The following PARD3B variants were observed in gnomAD, a reference collection of about 807,000 sequenced individuals.
The protein encoded by PARD3B is par-3 family cell polarity regulator beta.
PARD3B carries 103 observed loss-of-function variants against 130.2 expected under a neutral mutation model. The observed-to-expected ratio is 0.79, with a 90% CI of 0.67 to 0.93. PARD3B has a LOEUF of 0.93. Among genes scored for constraint, PARD3B ranks in the 40% least tolerant of loss-of-function variants. The pLI, the probability that PARD3B is intolerant of heterozygous loss-of-function variation, is 0.00. For synonymous variants in PARD3B, 583 were observed against 553.2 expected (o/e 1.05, Z -0.76); for missense variants, 1,609 against 1,499.2 (o/e 1.07, Z -1.21).
At chr2:205,044,524 T>A (rs1473360751) in intron 3 of PARD3B, among the ~76,000 whole-genome samples, 15 of 149,536 alleles carry the variant, frequency 1.0e-4, no homozygotes, top group Non-Finnish European at 1.6e-4. Context: ...GGTATCTCAT[T>A]GTGGTTTTGA....
chr2:205,197,503 A>G (rs1356735030), intron 15 of PARD3B, among the ~76,000 whole-genome samples: 1 of 152,180 alleles, frequency 6.6e-6, no homozygotes. Context: ...ACTCAGTGTC[A>G]TTAATTCCTA....
At chr2:205,468,914 G>T (rs144851143) in intron 20 of PARD3B, among the ~76,000 whole-genome samples, 85 of 151,482 alleles carry the variant, frequency 5.6e-4, no homozygotes, top group Middle Eastern at 3.5e-3. Context: ...AACCTTAGCT[G>T]CATGATTCAA....
chr2:204,898,540 A>G (rs906161708), intron 2 of PARD3B, among the ~76,000 whole-genome samples: 12 of 152,190 alleles, frequency 7.9e-5, no homozygotes, highest in Admixed American at 1.3e-4. Context: ...GTGGCCTAAC[A>G]TATGATCTAT....
chr2:204,894,237 G>T (rs977858272), intron 2 of PARD3B, among the ~76,000 whole-genome samples: 1 of 151,970 alleles, frequency 6.6e-6, no homozygotes, highest in Non-Finnish European at 1.5e-5. Flanking sequence ...AAGAATGTGT[G>T]TATTCTACTT....
At chr2:205,586,481 A>C (rs2054201174) in intron 22 of PARD3B, among the ~76,000 whole-genome samples, 2 of 152,212 alleles carry the variant, frequency 1.3e-5, no homozygotes, top group South Asian at 4.1e-4. Context: ...AATATTCTTC[A>C]TCTCAGATAT....
At chr2:205,552,716 A>G (rs1338232118) in intron 21 of PARD3B, among the ~76,000 whole-genome samples, 1 of 152,130 alleles carries the variant, frequency 6.6e-6, no homozygotes, top group Non-Finnish European at 1.5e-5. Context: ...ACCCAGCCAG[A>G]AACGGTGCTT....
chr2:205,209,568 A>G (rs1440334922), intron 15 of PARD3B, among the ~76,000 whole-genome samples: 2 of 148,224 alleles, frequency 1.3e-5, no homozygotes, highest in African/African-American at 5.1e-5. Flanking sequence ...TATAATGTGC[A>G]ATTAAATATA....
chr2:205,175,610 C>G (rs1474802702), intron 12 of PARD3B, among the ~76,000 whole-genome samples: 1 of 152,196 alleles, frequency 6.6e-6, no homozygotes, highest in Non-Finnish European at 1.5e-5. Context: ...ATTCTTCTCA[C>G]AAATGGTCAA....
intron 22 of PARD3B, among the ~76,000 whole-genome samples, chr2:205,578,103 G>A (rs1383848125): frequency 6.6e-6 from 1 of 152,094 alleles, no homozygotes; most frequent in East Asian, 1.9e-4. Context: ...ATATTCACAA[G>A]GGCCCTGCTC....
intron 2 of PARD3B, among the ~76,000 whole-genome samples, chr2:204,953,652 T>G (rs1690001664): frequency 6.6e-6 from 1 of 152,156 alleles, no homozygotes; most frequent in Admixed American, 6.5e-5. Flanking sequence ...AGTGGTAAAG[T>G]ACAAAAGTGG....
At chr2:205,082,552 A>G (rs551483160) in intron 4 of PARD3B, among the ~76,000 whole-genome samples, 1 of 152,320 alleles carries the variant, frequency 6.6e-6, no homozygotes, top group South Asian at 2.1e-4. Context: ...ACTGCAGATA[A>G]GAGGACACTA....
intron 4 of PARD3B, among the ~76,000 whole-genome samples, chr2:205,069,037 G>GAT (rs1200493028): frequency 6.6e-6 from 1 of 151,474 alleles, no homozygotes; most frequent in Non-Finnish European, 1.5e-5. Context: ...TCAAATATTC[G>GAT]ATATACCTAC....
intron 18 of PARD3B, among the ~76,000 whole-genome samples, chr2:205,371,606 G>A (rs1278924962): frequency 6.6e-6 from 1 of 152,164 alleles, no homozygotes; most frequent in Non-Finnish European, 1.5e-5. Context: ...TAGAGCATCA[G>A]TATTTGGAGT....
chr2:205,238,890 A>ATATATATATATATGTATGTGTG (rs2039215531), intron 15 of PARD3B, among the ~76,000 whole-genome samples: 1 of 102,728 alleles, frequency 9.7e-6, no homozygotes, highest in Admixed American at 9.1e-5. Context: ...ATGTGTGTAT[A>ATATATATATATATGTATGTGTG]TATATATATA....
chr2:205,574,922 C>G (rs2053695400), intron 22 of PARD3B, among the ~76,000 whole-genome samples: 1 of 150,824 alleles, frequency 6.6e-6, no homozygotes, highest in Non-Finnish European at 1.5e-5. Flanking sequence ...AGACTAGAAG[C>G]CTACAAGCTG....
intron 1 of PARD3B, among the ~76,000 whole-genome samples, chr2:204,615,786 T>C (rs1433758239): frequency 6.6e-6 from 1 of 152,172 alleles, no homozygotes; most frequent in Non-Finnish European, 1.5e-5. Flanking sequence ...ATGAAAATAG[T>C]GCATGCATTT....
chr2:205,152,691 G>A (rs1389459518), intron 10 of PARD3B, among the ~76,000 whole-genome samples: 1 of 152,040 alleles, frequency 6.6e-6, no homozygotes, highest in African/African-American at 2.4e-5. Context: ...TCCTCGCAAT[G>A]GGTTCGAATA....
rs1288019078 is a variant in PARD3B, at chr2:205,178,662, G to A, written c.1924+2085G>A. Among the ~76,000 whole-genome samples the A allele has an allele frequency of 2.0e-5, 3 of 152,054 alleles. No homozygotes were observed. The East Asian group carries it at 5.8e-4, about 29-fold the overall frequency. ...GATTGGCATTTAATTCTCTAGCAACGTGTGGCCCAGTGTCTGTCTAAGTCT... is the reference window on the plus strand; with the variant it reads ...GATTGGCATTTAATTCTCTAGCAACATGTGGCCCAGTGTCTGTCTAAGTCT... On this transcript the variant is annotated intron_variant, in intron 13 of 22. Transcript: ENST00000406610.
intron 20 of PARD3B, among the ~76,000 whole-genome samples, chr2:205,492,621 A>G (rs183990681): frequency 2.5e-3 from 387 of 152,300 alleles, no homozygotes; most frequent in African/African-American, 9.1e-3. Flanking sequence ...CGGGCTAAAC[A>G]GTGAAAAATC....
Sources: gnomAD v4.1 joint callset for allele counts (sites outside exome capture counted in the v4.1 genomes callset) on GRCh38, gnomAD v4.1.1 for gene constraint, MANE v1.5 for transcripts, NCBI Gene and HGNC (gene_info 2026-07-23, HGNC 2026-07-21) for gene names.